CCSER1: variants seen among roughly 807,000 people sequenced by gnomAD.
The protein encoded by CCSER1 is serine-rich coiled-coil domain-containing protein 1.
A neutral mutation model predicts 82.0 loss-of-function variants in CCSER1; 41 were observed. The ratio of observed to expected loss-of-function variants is 0.50; its 90% CI spans 0.39 to 0.65. CCSER1 has a LOEUF of 0.65. Among genes scored for constraint, CCSER1 ranks in the 30% least tolerant of loss-of-function variants. The pLI, the probability that CCSER1 is intolerant of heterozygous loss-of-function variation, is 0.00. For missense variants in CCSER1, 1,119 were observed against 1,064.2 expected, an observed-to-expected ratio of 1.05 and a Z score of -0.72; for synonymous variants, 414 against 383.9, an observed-to-expected ratio of 1.08 and a Z score of -0.92.
At chr4:91,052,363 A>C (rs1242414568) in intron 9 of CCSER1, among the ~76,000 whole-genome samples, 2 of 152,114 alleles carry the variant, frequency 1.3e-5, no homozygotes, top group African/African-American at 4.8e-5. Context: ...TATTAGGTTC[A>C]TGATCATTGT....
intron 10 of CCSER1, among the ~76,000 whole-genome samples, chr4:91,213,075 C>CT (rs1366565973): frequency 2.6e-5 from 4 of 152,022 alleles, no homozygotes; most frequent in African/African-American, 9.7e-5. Context: ...TGATTTCATT[C>CT]TTTTTTATGG....
intron 9 of CCSER1, among the ~76,000 whole-genome samples, chr4:90,945,601 T>C (rs757282879): frequency 1.8e-4 from 28 of 152,184 alleles, no homozygotes; most frequent in Non-Finnish European, 5.9e-5. Context: ...GATTTCTCTG[T>C]TCTCCTGCTT....
chr4:91,189,510 T>C (rs1206759528), intron 10 of CCSER1, among the ~76,000 whole-genome samples: 4 of 152,186 alleles, frequency 2.6e-5, no homozygotes, highest in African/African-American at 4.8e-5. Flanking sequence ...AAAGTTATTC[T>C]GTATGACCTC....
chr4:91,166,584 G>A (rs1451458882), intron 10 of CCSER1, among the ~76,000 whole-genome samples: 3 of 152,174 alleles, frequency 2.0e-5, no homozygotes, highest in African/African-American at 4.8e-5. Context: ...ACTTAATTGA[G>A]CATTCTGATT....
intron 10 of CCSER1, among the ~76,000 whole-genome samples, chr4:91,567,802 T>A (rs1006340092): frequency 3.3e-5 from 5 of 152,068 alleles, no homozygotes; most frequent in African/African-American, 9.7e-5. Flanking sequence ...ACCCACTGAG[T>A]CTTGCTTTCA....
chr4:90,234,888 C>G (rs1745477534), intron 1 of CCSER1: 1 of 152,012 alleles, frequency 6.6e-6, no homozygotes, highest in Non-Finnish European at 1.5e-5. Flanking sequence ...AAGTTCCATC[C>G]CGTCATGACC....
At position 90,308,380 on chromosome 4, in the gene CCSER1, AC is replaced by A; in HGVS notation, c.98del (p.Pro33LeufsTer71). 1 of 1,613,688 alleles carries A rather than the reference AC, an allele frequency of 6.2e-7. No homozygotes were observed. The highest frequency in any genetic ancestry group is 8.5e-7 in the Non-Finnish European group (1 of 1,179,808). On this transcript the variant is annotated frameshift_variant, in exon 2 of 11. Coordinates refer to ENST00000509176, the MANE Select transcript of CCSER1 (RefSeq NM_001145065.2). LOFTEE classifies it high-confidence loss of function. ...GAAGACATGATTCTCTTCCTTCTTC[AC>A]CTTCTTCCAGTAATACAGTTGGTGT... Reference protein sequence around the residue: ...NRRHDSLPSSPSSSNTVGVHS... With the variant: ...NRRHDSLPSSXSSSNTVGVHS...
intron 10 of CCSER1, among the ~76,000 whole-genome samples, chr4:91,296,449 T>TTATA (rs72475346): frequency 1.8e-4 from 17 of 94,094 alleles, no homozygotes; most frequent in African/African-American, 7.8e-4. Context: ...GTGTCTAACA[T>TTATA]TATATATATA....
intron 9 of CCSER1, among the ~76,000 whole-genome samples, chr4:91,036,010 C>T (rs1005492620): frequency 1.3e-5 from 2 of 152,216 alleles, no homozygotes; most frequent in South Asian, 4.1e-4. Flanking sequence ...GGGAGTTTAA[C>T]TCACAGGAGT....
At chr4:90,708,030 A>G (rs1371595315) in intron 6 of CCSER1, among the ~76,000 whole-genome samples, 1 of 152,078 alleles carries the variant, frequency 6.6e-6, no homozygotes, top group Non-Finnish European at 1.5e-5. Flanking sequence ...TGAAAAATGG[A>G]TCTGTGTAGT....
chr4:90,393,906 G>A (rs1171646363), intron 3 of CCSER1, among the ~76,000 whole-genome samples: 10 of 149,754 alleles, frequency 6.7e-5, no homozygotes, highest in East Asian at 5.9e-4. Context: ...AGCCCCCTGC[G>A]TAGCTGGACT....
At chr4:90,994,766 A>G (rs1323565636) in intron 9 of CCSER1, among the ~76,000 whole-genome samples, 2 of 152,106 alleles carry the variant, frequency 1.3e-5, no homozygotes, top group Non-Finnish European at 2.9e-5. Context: ...AAGTTGTTAT[A>G]CCTTTTAGTG....
intron 6 of CCSER1, among the ~76,000 whole-genome samples, chr4:90,701,415 C>G (rs544989183): frequency 6.6e-6 from 1 of 152,064 alleles, no homozygotes; most frequent in Non-Finnish European, 1.5e-5. Flanking sequence ...TATCAGGTAG[C>G]GTGATGCCTC....
At chr4:90,436,542 A>G (rs557279941) in intron 4 of CCSER1, among the ~76,000 whole-genome samples, 95 of 152,302 alleles carry the variant, frequency 6.2e-4, no homozygotes, top group African/African-American at 2.2e-3. Context: ...AAAATCATCT[A>G]AATTTTAGTT....
At chr4:91,068,479 AAAGT>A (rs1721075839) in intron 9 of CCSER1, among the ~76,000 whole-genome samples, 1 of 152,212 alleles carries the variant, frequency 6.6e-6, no homozygotes, top group African/African-American at 2.4e-5. Context: ...CACATTTAAT[AAAGT>A]AAGATTTCCA....
rs1057382385 is a variant in CCSER1, at chr4:90,595,819, T to G, written c.1725-32206T>G. Among the ~76,000 whole-genome samples the G allele has an allele frequency of 5.9e-5, 9 of 151,948 alleles. No individual in the cohort carries two copies. In the South Asian group the frequency reaches 1.4e-3, roughly 24 times the overall value. The stretch of plus-strand genomic sequence containing the variant: ...AATAAAATAAAATAATAAAGAATAG[T>G]CAAGAACTTGACATTATTTTTTGAT... On this transcript the variant is annotated intron_variant, in intron 5 of 10. Transcript: ENST00000509176.
rs567160058 is a variant in CCSER1 at position 90,271,129 on chromosome 4, G to GAA, written c.-41-37108_-41-37107dup. Among the ~76,000 whole-genome samples the GAA allele has an allele frequency of 2.0e-5, 3 of 151,854 alleles. No individual in the cohort carries two copies. In the South Asian group the frequency reaches 6.2e-4, roughly 32 times the overall value. The stretch of plus-strand genomic sequence containing the variant: ...TACCTAGACATTTCTCTCAGAAATA[G>GAA]AAAAAAAATGCTAAAATTTATATGG... On this transcript the variant is annotated intron_variant, in intron 1 of 10. Coordinates refer to ENST00000509176, the MANE Select transcript of CCSER1 (RefSeq NM_001145065.2).
At chr4:90,827,347 C>A (rs1192287146) in intron 8 of CCSER1, among the ~76,000 whole-genome samples, 2 of 152,178 alleles carry the variant, frequency 1.3e-5, no homozygotes. Context: ...TTGGATACCA[C>A]TGGTTTCAAC....
chr4:90,849,939 C>G (rs1467780070), intron 8 of CCSER1, among the ~76,000 whole-genome samples: 1 of 152,132 alleles, frequency 6.6e-6, no homozygotes, highest in Non-Finnish European at 1.5e-5. Flanking sequence ...AATAGCCCCT[C>G]CCATCCAAGG....
Sources: gnomAD v4.1 joint callset for allele counts (sites outside exome capture counted in the v4.1 genomes callset) on GRCh38, gnomAD v4.1.1 for gene constraint, MANE v1.5 for transcripts, NCBI Gene and HGNC (gene_info 2026-07-23, HGNC 2026-07-21) for gene names.